The following SLC30A6 variants were observed in gnomAD, a reference collection of about 807,000 sequenced individuals.
The protein encoded by SLC30A6 is solute carrier family 30 member 6.
A neutral mutation model predicts 63.0 loss-of-function variants in SLC30A6; 55 were observed. The ratio of observed to expected loss-of-function variants is 0.87; its 90% CI spans 0.70 to 1.09. The LOEUF (loss-of-function observed/expected upper bound fraction) is 1.09. Ranked by LOEUF, SLC30A6 falls within the 50% of genes least tolerant of loss-of-function variation. The pLI is 0.00. For missense variants in SLC30A6, 587 were observed against 549.2 expected (o/e 1.07, Z -0.69); for synonymous variants, 224 against 186.1 (o/e 1.20, Z -1.66).
chr2:32,187,008 AAAAAAAAG>A, intron 5 of SLC30A6: 2 of 357,964 alleles, frequency 5.6e-6, no homozygotes, highest in South Asian at 4.4e-5. Flanking sequence ...AAAAAAAAAA[AAAAAAAAG>A]AAAGAAAAAG....
chr2:32,208,917 A>G (rs1409528010), intron 12 of SLC30A6, among the ~76,000 whole-genome samples: 2 of 152,238 alleles, frequency 1.3e-5, no homozygotes, highest in Admixed American at 6.5e-5. Context: ...TTTGATTGTC[A>G]GTGTGACAGA....
intron 1 of SLC30A6, among the ~76,000 whole-genome samples, chr2:32,168,219 T>C (rs945410871): frequency 6.6e-6 from 1 of 151,808 alleles, no homozygotes; most frequent in Non-Finnish European, 1.5e-5. Context: ...TAAAGAAAAA[T>C]ACAAATAAAA....
chr2:32,187,847 T>C (rs1448850178), intron 5 of SLC30A6, among the ~76,000 whole-genome samples: 1 of 152,228 alleles, frequency 6.6e-6, no homozygotes, highest in Non-Finnish European at 1.5e-5. Context: ...AGATTAATTA[T>C]GTCAAGGTAA....
chr2:32,175,670 A>C (rs901492042), intron 4 of SLC30A6, among the ~76,000 whole-genome samples: 3 of 152,166 alleles, frequency 2.0e-5, no homozygotes, highest in African/African-American at 4.8e-5. Flanking sequence ...AACAACAATA[A>C]TTAGAGACAT....
chr2:32,186,391 T>C (rs574425281), intron 5 of SLC30A6, among the ~76,000 whole-genome samples: 136 of 152,322 alleles, frequency 8.9e-4, no homozygotes, highest in African/African-American at 3.2e-3. Flanking sequence ...GACAGAAATC[T>C]AACTTAGTTT....
At chr2:32,211,278 A>G (rs961511093) in intron 13 of SLC30A6, among the ~76,000 whole-genome samples, 1 of 152,212 alleles carries the variant, frequency 6.6e-6, no homozygotes, top group Non-Finnish European at 1.5e-5. Context: ...AATTCTTTAG[A>G]AGGGGCCGTT....
chr2:32,203,046 C>T (rs1420158811), intron 10 of SLC30A6: 1 of 1,248,640 alleles, frequency 8.0e-7, no homozygotes, highest in Non-Finnish European at 1.2e-6. Context: ...ACAGAATGCC[C>T]AGTGTTTACA....
intron 1 of SLC30A6, among the ~76,000 whole-genome samples, chr2:32,166,889 C>T (rs905008128): frequency 1.3e-5 from 2 of 152,126 alleles, no homozygotes; most frequent in African/African-American, 4.8e-5. Context: ...CCTTCAGTTA[C>T]GCTCTTCTTC....
At chr2:32,205,478 T>C (rs1558415501) in intron 11 of SLC30A6, among the ~76,000 whole-genome samples, 1 of 151,996 alleles carries the variant, frequency 6.6e-6, no homozygotes. Context: ...GATTGTGAAA[T>C]TTTTAGTTAC....
In SLC30A6 at chr2:32,191,329, TTAACAA is replaced by T. The variant is rs1482529402; in HGVS notation, c.285-1004_285-999del. Among the ~76,000 whole-genome samples the T allele has an allele frequency of 2.0e-5, 3 of 152,248 alleles. No individual in the cohort carries two copies. In the East Asian group the frequency reaches 5.8e-4, roughly 29 times the overall value. On this transcript the variant is annotated intron_variant, in intron 5 of 13. Coordinates refer to ENST00000282587, the MANE Select transcript of SLC30A6 (RefSeq NM_017964.5). ...CCATGTCAATAAATACTTTTTTTGT[TTAACAA>T]TATATAATGTTCTATTGTTGATTCC... is the stretch of plus-strand genomic sequence containing the variant.
intron 4 of SLC30A6, among the ~76,000 whole-genome samples, chr2:32,183,450 G>A (rs1015698111): frequency 6.6e-6 from 1 of 152,038 alleles, no homozygotes; most frequent in African/African-American, 2.4e-5. Context: ...GGGTGGCCAA[G>A]GCAGGTGGAT....
At chr2:32,173,981 A>C in intron 2 of SLC30A6, 82 bp from the exon 3 acceptor site, 1 of 980,638 alleles carries the variant, frequency 1.0e-6, no homozygotes, top group Non-Finnish European at 1.5e-6. Flanking sequence ...TTTGAATATC[A>C]GAGTATAAAT....
intron 13 of SLC30A6, 51 bp downstream of exon 13, chr2:32,209,612 A>G (rs745654578): frequency 2.8e-6 from 4 of 1,444,148 alleles, no homozygotes; most frequent in African/African-American, 2.9e-5. Flanking sequence ...ATAGTCTTCC[A>G]TTTTTAAAAC....
At chr2:32,206,796 T>G (rs957857913) in intron 11 of SLC30A6, 90 bp from the exon 12 acceptor site, 160 of 1,018,196 alleles carry the variant, frequency 1.6e-4, no homozygotes, top group Admixed American at 1.4e-3. Context: ...AAGGCTGGCT[T>G]AAAATCCTTT....
intron 10 of SLC30A6, among the ~76,000 whole-genome samples, chr2:32,199,100 T>C (rs2148869450): frequency 6.6e-6 from 1 of 152,352 alleles, no homozygotes; most frequent in South Asian, 2.1e-4. Context: ...TTCTTTTGTG[T>C]CTGCTTATTT....
Position 32,187,442 on chromosome 2 carries a change from C to G in SLC30A6, c.284+3104C>G, listed in dbSNP as rs1381886375. 3 of 344,232 alleles carry G rather than the reference C, an allele frequency of 8.7e-6. No individual in the cohort carries two copies. In the Admixed American group the frequency reaches 1.1e-4, roughly 13 times the overall value. The allele number at this position is 344,232 out of a possible 1,614,324, so 21.3% of individuals were successfully genotyped here. A position where few individuals can be genotyped will look rare whatever the true frequency, so the allele number is the denominator to read the frequency against. ...TAGATCAGTTACTGTGGATAGAAGACAAGGTCGTGTAAGGACATGACAGCT... is the reference window on the plus strand; with the variant it reads ...TAGATCAGTTACTGTGGATAGAAGAGAAGGTCGTGTAAGGACATGACAGCT... On this transcript the variant is annotated intron_variant, in intron 5 of 13. Transcript: ENST00000282587.
chr2:32,201,584 G>A, intron 10 of SLC30A6: 1 of 1,432,654 alleles, frequency 7.0e-7, no homozygotes, highest in Non-Finnish European at 9.5e-7. Context: ...CCGGAGGGAG[G>A]CAGCAGTGGC....
At chr2:32,167,158 T>G (rs899011608) in intron 1 of SLC30A6, among the ~76,000 whole-genome samples, 1 of 152,094 alleles carries the variant, frequency 6.6e-6, no homozygotes, top group Non-Finnish European at 1.5e-5. Flanking sequence ...TCACCACAAC[T>G]TCCGCCTCCC....
At position 32,197,386 on chromosome 2, in the gene SLC30A6, G is replaced by C; in HGVS notation, c.539G>C (p.Ser180Thr). Reference protein sequence around the residue: ...SWLQEHVADLSRSLCGIIPGL... With the variant: ...SWLQEHVADLTRSLCGIIPGL... ...CTTCAAGAGCATGTTGCAGATCTTA[G>C]TCGAAGGTAAGATGTTATGGAGTTT... Residue 180 changes from serine to threonine, a missense_variant, in exon 9 of 14, where the codon AGT becomes ACT. Ser to Thr is a moderately conservative substitution (Grantham distance 58). Coordinates refer to ENST00000282587, the MANE Select transcript of SLC30A6 (RefSeq NM_017964.5). 1 of 1,613,012 alleles carries C rather than the reference G, an allele frequency of 6.2e-7. No individual in the cohort carries two copies. Among genetic ancestry groups the C allele is most frequent in the Non-Finnish European group, 8.5e-7 (1 of 1,179,158 alleles).
Sources: gnomAD v4.1 joint callset for allele counts (sites outside exome capture counted in the v4.1 genomes callset) on GRCh38, gnomAD v4.1.1 for gene constraint, MANE v1.5 for transcripts, NCBI Gene and HGNC (gene_info 2026-07-23, HGNC 2026-07-21) for gene names.